The following FCHSD2 variants were observed in gnomAD, a reference collection of about 807,000 sequenced individuals.
The protein encoded by FCHSD2 is FCH and double SH3 domains 2, also known as F-BAR and double SH3 domains protein 2.
Under a neutral mutation model 108.1 loss-of-function variants are expected in FCHSD2, and 38 were observed. That is an observed-to-expected ratio of 0.35 (90% CI 0.27 to 0.46). The LOEUF (loss-of-function observed/expected upper bound fraction) is 0.46, where lower values mean the gene tolerates loss of function less well. Among genes scored for constraint, FCHSD2 ranks in the 20% least tolerant of loss-of-function variants. The pLI is 1.00. For synonymous variants in FCHSD2, 279 were observed against 314.7 expected, an observed-to-expected ratio of 0.89 and a Z score of 1.20; for missense variants, 751 against 897.8, an observed-to-expected ratio of 0.84 and a Z score of 2.09.
intron 2 of FCHSD2, among the ~76,000 whole-genome samples, chr11:73,115,400 G>A (rs1175212351): frequency 6.6e-6 from 1 of 152,152 alleles, no homozygotes; most frequent in African/African-American, 2.4e-5. Flanking sequence ...AGCTAGGATA[G>A]TCTCGTTCTC....
chr11:72,896,927 C>T (rs937678060), intron 10 of FCHSD2, among the ~76,000 whole-genome samples: 2 of 151,900 alleles, frequency 1.3e-5, no homozygotes, highest in Non-Finnish European at 2.9e-5. Context: ...CCCAGGTTCA[C>T]GCCATTCTCC....
At chr11:73,110,581 GTCTA>G (rs2135545262) in intron 2 of FCHSD2, among the ~76,000 whole-genome samples, 1 of 151,926 alleles carries the variant, frequency 6.6e-6, no homozygotes, top group Admixed American at 6.5e-5. Context: ...TTTTTCCTAA[GTCTA>G]TCTAATGTTT....
intron 3 of FCHSD2, among the ~76,000 whole-genome samples, chr11:73,025,906 A>G (rs1858216921): frequency 6.6e-6 from 1 of 152,152 alleles, no homozygotes. Context: ...TATGTGTGGT[A>G]TATATACCTA....
Position 73,141,996 on chromosome 11 carries a change from A to G in FCHSD2, c.-119T>C, listed in dbSNP as rs796743202. The G allele has an allele frequency of 1.4e-5, 14 of 1,011,384 alleles. No individual in the cohort carries two copies. In the African/African-American group the frequency reaches 2.3e-4, roughly 16 times the overall value. 62.7% of individuals were successfully genotyped at this position (1,011,384 alleles called of 1,614,324 possible). A position where few individuals can be genotyped will look rare whatever the true frequency, so the allele number is the denominator to read the frequency against. On this transcript the variant is annotated 5_prime_UTR_variant, in exon 1 of 20. Transcript: ENST00000409418. ...GCGCGCGTGTGTGAAAGGAGCGCTT[A>G]AGAAGCAAGACTTGCCCCGGAGGGA...
At chr11:73,118,654 A>C (rs1860660057) in intron 2 of FCHSD2, among the ~76,000 whole-genome samples, 2 of 152,160 alleles carry the variant, frequency 1.3e-5, no homozygotes, top group South Asian at 2.1e-4. Context: ...GAGGATGTTT[A>C]TCTCTTCATT....
chr11:72,936,659 C>A (rs1856307490), intron 8 of FCHSD2, among the ~76,000 whole-genome samples: 1 of 152,172 alleles, frequency 6.6e-6, no homozygotes, highest in Non-Finnish European at 1.5e-5. Flanking sequence ...AATTGACTGA[C>A]CTTTAAATTC....
At chr11:72,959,391 G>A (rs528725437) in intron 8 of FCHSD2, among the ~76,000 whole-genome samples, 45 of 149,406 alleles carry the variant, frequency 3.0e-4, no homozygotes, top group Admixed American at 1.3e-3. Flanking sequence ...CACCATGCCC[G>A]GCTATTTTTT....
At chr11:73,006,020 G>A (rs1294520671) in intron 4 of FCHSD2, among the ~76,000 whole-genome samples, 6 of 149,684 alleles carry the variant, frequency 4.0e-5, no homozygotes, top group Non-Finnish European at 7.4e-5. Context: ...TGGTCCTCCC[G>A]CCTCAGCCTC....
intron 5 of FCHSD2, among the ~76,000 whole-genome samples, chr11:72,999,083 C>G (rs1312321671): frequency 6.6e-6 from 1 of 152,134 alleles, no homozygotes; most frequent in East Asian, 1.9e-4. Flanking sequence ...ACCCCTAGAT[C>G]CACCCATGCT....
At chr11:73,108,132 T>C (rs1034628433) in intron 2 of FCHSD2, among the ~76,000 whole-genome samples, 3 of 152,240 alleles carry the variant, frequency 2.0e-5, no homozygotes, top group African/African-American at 4.8e-5. Flanking sequence ...TATCTCATTG[T>C]AGTTTTGATA....
intron 4 of FCHSD2, among the ~76,000 whole-genome samples, chr11:73,014,276 C>A (rs1295036663): frequency 6.6e-6 from 1 of 151,620 alleles, no homozygotes; most frequent in Non-Finnish European, 1.5e-5. Context: ...GGACTACATG[C>A]ACGTACCACC....
At chr11:73,058,891 A>C (rs1387506975) in intron 3 of FCHSD2, among the ~76,000 whole-genome samples, 1 of 152,156 alleles carries the variant, frequency 6.6e-6, no homozygotes, top group Non-Finnish European at 1.5e-5. Context: ...CGGGATAAAT[A>C]ATCTTTTACA....
chr11:72,987,047 T>C (rs1007094937), intron 6 of FCHSD2, among the ~76,000 whole-genome samples: 5 of 152,272 alleles, frequency 3.3e-5, no homozygotes, highest in Admixed American at 3.3e-4. Context: ...CTTCCAAACA[T>C]ATTCACCCCA....
intron 2 of FCHSD2, among the ~76,000 whole-genome samples, chr11:73,095,007 T>C (rs1354833739): frequency 1.3e-5 from 2 of 152,158 alleles, no homozygotes; most frequent in Non-Finnish European, 2.9e-5. Flanking sequence ...TTCTACTAAA[T>C]ATGCAATGAG....
At chr11:73,075,612 T>C (rs1859531518) in intron 3 of FCHSD2, among the ~76,000 whole-genome samples, 1 of 152,106 alleles carries the variant, frequency 6.6e-6, no homozygotes, top group South Asian at 2.1e-4. Flanking sequence ...GGTCAGGAGT[T>C]CGAGACCAGC....
Position 72,985,178 on chromosome 11 carries a change from CTAAA to C in FCHSD2, c.522-66_522-63del, listed in dbSNP as rs527327047. ...ATCTAATTATATCACAATAAAATTA[CTAAA>C]TATATTATTAAAATTTAAAAATAAT... On this transcript the variant is annotated intron_variant, in intron 6 of 19. Transcript: ENST00000409418. The C allele has an allele frequency of 1.4e-4, 56 of 395,402 alleles. No homozygotes were observed. The East Asian group carries it at 2.3e-3, about 17-fold the overall frequency. 24.5% of individuals were successfully genotyped at this position (395,402 alleles called of 1,614,324 possible).
intron 13 of FCHSD2, among the ~76,000 whole-genome samples, chr11:72,860,149 G>A (rs868586062): frequency 2.0e-5 from 3 of 152,188 alleles, no homozygotes; most frequent in South Asian, 2.1e-4. Context: ...CTGACAGGAC[G>A]CAGAGCTCAA....
intron 3 of FCHSD2, among the ~76,000 whole-genome samples, chr11:73,021,148 A>G (rs1438500899): frequency 2.0e-5 from 3 of 151,970 alleles, no homozygotes; most frequent in African/African-American, 7.2e-5. Flanking sequence ...AAGGGCTGGG[A>G]TTAAAGGTGC....
At chr11:73,116,004 C>A (rs1286281471) in intron 2 of FCHSD2, among the ~76,000 whole-genome samples, 1 of 152,210 alleles carries the variant, frequency 6.6e-6, no homozygotes, top group Non-Finnish European at 1.5e-5. Context: ...GTGTTATCCA[C>A]GAGTTTAATG....
Sources: allele counts gnomAD v4.1 joint callset (sites outside exome capture counted in the v4.1 genomes callset), GRCh38; gene constraint gnomAD v4.1.1; transcripts MANE v1.5; gene names NCBI Gene and HGNC (gene_info 2026-07-23, HGNC 2026-07-21).